Variants in DOT1L observed in about 807,000 individuals in gnomAD.
DOT1L encodes the protein histone-lysine N-methyltransferase, H3 lysine-79 specific.
A neutral mutation model predicts 153.3 loss-of-function variants in DOT1L; 33 were observed. That is an observed-to-expected ratio of 0.22 (90% CI 0.16 to 0.29). The LOEUF (loss-of-function observed/expected upper bound fraction) is 0.29, where lower values mean the gene tolerates loss of function less well. DOT1L is among the 10% of genes least tolerant of loss of function. DOT1L has a pLI of 1.00. For synonymous variants in DOT1L, 1,135 were observed against 965.1 expected (o/e 1.18, Z -3.26); for missense variants, 1,847 against 2,119.9 (o/e 0.87, Z 2.53).
At chr19:2,214,804 C>T (rs941394091) in intron 19 of DOT1L, 19 of 640,072 alleles carry the variant, frequency 3.0e-5, no homozygotes, top group Admixed American at 2.1e-4. Flanking sequence ...CCTCAGCTCT[C>T]GGGGGCATCT....
At chr19:2,198,758 C>G (rs1336199664) in intron 7 of DOT1L, among the ~76,000 whole-genome samples, 1 of 152,230 alleles carries the variant, frequency 6.6e-6, no homozygotes, top group Non-Finnish European at 1.5e-5. Flanking sequence ...CCCTTCCTGT[C>G]TCTGGATGGG....
chr19:2,209,802 G>A (rs2023642297), intron 12 of DOT1L, among the ~76,000 whole-genome samples: 1 of 152,248 alleles, frequency 6.6e-6, no homozygotes, highest in Non-Finnish European at 1.5e-5. Context: ...TTTGTAGCCA[G>A]GGCTGGGCTC....
chr19:2,183,674 T>C (rs939744435), intron 2 of DOT1L, among the ~76,000 whole-genome samples: 3 of 151,624 alleles, frequency 2.0e-5, no homozygotes, highest in Non-Finnish European at 4.4e-5. Context: ...TTGCCCGGGC[T>C]GGAGTGTGGT....
chr19:2,190,290 A>T lies in DOT1L; in HGVS notation c.264+495A>T, dbSNP rs1020062124. ...CACAGTGAGCTGGGGTGTAGCAGGGAGGGGAACGTGCTGCTTCCCATGTTC... is the reference window on the plus strand; with the variant it reads ...CACAGTGAGCTGGGGTGTAGCAGGGTGGGGAACGTGCTGCTTCCCATGTTC... On this transcript the variant is annotated intron_variant, in intron 4 of 27. Coordinates refer to ENST00000398665, the MANE Select transcript of DOT1L (RefSeq NM_032482.3). This position sits in a 1 kb window ranked among gnomAD's most constrained non-coding sequence, Gnocchi z 4.8. 1.3e-5 allele frequency among the ~76,000 whole-genome samples: 2 copies of T among 152,012 alleles called. No homozygotes were observed. Among genetic ancestry groups the T allele is most frequent in the African/African-American group, 4.8e-5 (2 of 41,382 alleles).
At position 2,226,632 on chromosome 19, in the gene DOT1L, A is replaced by C. The variant is rs1436051048; in HGVS notation, c.4111A>C (p.Arg1371=). Reference sequence around the variant, plus strand: ...GGACGCCAACCCTTTCCTGAGCAAGAGGCAGCTGGACGGCCTGGCTGGGCT... The same window carrying C: ...GGACGCCAACCCTTTCCTGAGCAAGCGGCAGCTGGACGGCCTGGCTGGGCT... The part of the protein sequence containing the change: ...GSDANPFLSK[R]QLDGLAGLKG... Residue 1371 remains arginine, a synonymous_variant, in exon 27 of 28, where the codon AGG becomes CGG. Coordinates refer to ENST00000398665, the MANE Select transcript of DOT1L (RefSeq NM_032482.3). 3 of 1,592,702 alleles carry C rather than the reference A, an allele frequency of 1.9e-6. No individual in the cohort carries two copies. The highest frequency in any genetic ancestry group is 1.7e-5 in the Admixed American group (1 of 58,106).
intron 5 of DOT1L, among the ~76,000 whole-genome samples, chr19:2,192,672 C>CAAA (rs71176526): frequency 8.4e-5 from 8 of 95,106 alleles, no homozygotes; most frequent in African/African-American, 1.6e-4. Context: ...GACTCCGTCT[C>CAAA]AAAAAAAAAA....
At position 2,216,358 on chromosome 19, in the gene DOT1L, C is replaced by G; in HGVS notation, c.2001C>G (p.Asp667Glu). The G allele has an allele frequency of 6.2e-7, 1 of 1,610,584 alleles. No homozygotes were observed. The highest frequency in any genetic ancestry group is 8.5e-7 in the Non-Finnish European group (1 of 1,178,350). ...TCAAGTCCTGTGTGCCGCCTGACGA[C>G]GCCCTGTCCCTGCACCTGCGTGGGA... The part of the protein sequence containing the change: ...LQLKSCVPPD[D>E]ALSLHLRGKG... Residue 667 changes from aspartate (D) to glutamate (E), a missense_variant, in exon 20 of 28, where the codon GAC becomes GAG. Transcript: ENST00000398665.
At chr19:2,229,185 T>C in intron 27 of DOT1L, 1 of 985,452 alleles carries the variant, frequency 1.0e-6, no homozygotes, top group Non-Finnish European at 1.2e-6. Context: ...CTTCAGGGAA[T>C]GTCCTGTTCA....
intron 24 of DOT1L, 132 bp from the exon 25 acceptor site, chr19:2,223,149 C>T (rs1401050025): frequency 3.2e-6 from 3 of 936,206 alleles, no homozygotes; most frequent in Non-Finnish European, 4.9e-6. Context: ...GCTGTACTGG[C>T]CGCTGGGCAG....
At position 2,187,882 on chromosome 19, in the gene DOT1L, A is replaced by C. The variant is rs1398916236; in HGVS notation, c.201-1850A>C. ...GCTTGCAGTGAGCTGAGATCGCGCC[A>C]CCGCACTCCAGCCTGGGTGACAGAG... On this transcript the variant is annotated intron_variant, in intron 3 of 27. Coordinates refer to ENST00000398665, the MANE Select transcript of DOT1L (RefSeq NM_032482.3). 2.7e-5 allele frequency among the ~76,000 whole-genome samples: 4 copies of C among 147,428 alleles called. No homozygotes were observed. In the South Asian group the frequency reaches 8.6e-4, roughly 32 times the overall value.
chr19:2,182,408 G>C (rs1199924134), intron 2 of DOT1L, among the ~76,000 whole-genome samples: 2 of 152,158 alleles, frequency 1.3e-5, no homozygotes, highest in Non-Finnish European at 2.9e-5. Flanking sequence ...GGGCATGGTG[G>C]TGCACACCTG....
At chr19:2,219,925 C>G (rs527703735) in intron 22 of DOT1L, among the ~76,000 whole-genome samples, 183 bp from the exon 23 acceptor site, 10 of 152,348 alleles carry the variant, frequency 6.6e-5, no homozygotes, top group Admixed American at 3.3e-4. Flanking sequence ...CGCACTCTCG[C>G]TGCGCCACTC....
intron 23 of DOT1L, 118 bp from the exon 24 acceptor site, chr19:2,221,858 T>G (rs994677067): frequency 8.3e-6 from 9 of 1,088,046 alleles, no homozygotes; most frequent in Non-Finnish European, 1.2e-5. Context: ...CCCAACCCCT[T>G]CCCCACTTCC....
chr19:2,214,164 C>A, intron 18 of DOT1L, 178 bp downstream of exon 18: 2 of 1,137,354 alleles, frequency 1.8e-6, no homozygotes, highest in Admixed American at 2.7e-5. Context: ...CAGGCCTGGG[C>A]CCCTCGGCTG....
At chr19:2,171,883 C>G (rs1426651878) in intron 1 of DOT1L, among the ~76,000 whole-genome samples, 1 of 152,196 alleles carries the variant, frequency 6.6e-6, no homozygotes, top group Non-Finnish European at 1.5e-5. Flanking sequence ...GCGGCAGTTA[C>G]AAGTGGGGCT....
chr19:2,170,348 C>G (rs1451908558), intron 1 of DOT1L, among the ~76,000 whole-genome samples: 1 of 152,126 alleles, frequency 6.6e-6, no homozygotes, highest in African/African-American at 2.4e-5. Context: ...CTCTCTGGAC[C>G]TGATGCATTT....
rs1298102959 is a variant in DOT1L, at chr19:2,216,339, C to T, written c.1982C>T (p.Ser661Phe). The change falls in exon 20 of 28, where the codon TCC (serine) becomes TTC (phenylalanine). Residue 661 changes from serine (S) to phenylalanine (F), a missense_variant. By Grantham distance (155) the Ser-to-Phe change is radical (BLOSUM62 -2). Transcript: ENST00000398665. ...QRQQELLQLK[S>F]CVPPDDALSL... Reference sequence around the variant, plus strand: ...CAGCAGGAGCTCCTGCAGCTCAAGTCCTGTGTGCCGCCTGACGACGCCCTG... The same window carrying T: ...CAGCAGGAGCTCCTGCAGCTCAAGTTCTGTGTGCCGCCTGACGACGCCCTG... 11 of 1,605,672 alleles carry T rather than the reference C, an allele frequency of 6.9e-6. No individual in the cohort carries two copies. The highest frequency in any genetic ancestry group is 9.4e-6 in the Non-Finnish European group (11 of 1,174,502).
rs2022281633 is a variant in DOT1L at position 2,182,374 on chromosome 19, C to G, written c.125+1618C>G. On this transcript the variant is annotated intron_variant, in intron 2 of 27. Transcript: ENST00000398665. ...CGGGCAACATAATGAGACCCCAAGTCTACAAAAAAGTAAAAAATTAGCTGG... is the reference window on the plus strand; with the variant it reads ...CGGGCAACATAATGAGACCCCAAGTGTACAAAAAAGTAAAAAATTAGCTGG... Among the ~76,000 whole-genome samples, 3 of 151,894 alleles carry G rather than the reference C, an allele frequency of 2.0e-5. No homozygotes were observed. In the South Asian group the frequency reaches 6.2e-4, roughly 32 times the overall value.
chr19:2,225,690 G>A (rs902041114), intron 26 of DOT1L, among the ~76,000 whole-genome samples: 2 of 152,014 alleles, frequency 1.3e-5, no homozygotes, highest in African/African-American at 4.8e-5. Flanking sequence ...CAGGGCCTCC[G>A]CGCACACGCC....
Sources: allele counts gnomAD v4.1 joint callset (sites outside exome capture counted in the v4.1 genomes callset), GRCh38; gene constraint gnomAD v4.1.1; non-coding constraint Gnocchi (gnomAD v3.1); transcripts MANE v1.5; gene names NCBI Gene and HGNC (gene_info 2026-07-23, HGNC 2026-07-21).